The following LPIN2 variants were observed in gnomAD, a reference collection of about 807,000 sequenced individuals.
LPIN2 encodes the protein phosphatidate phosphatase LPIN2.
In LPIN2, 55 loss-of-function variants were observed where a neutral mutation model predicts 111.4. That is an observed-to-expected ratio of 0.49 (90% CI 0.40 to 0.62). The LOEUF (loss-of-function observed/expected upper bound fraction) is 0.62. LPIN2 is among the 20% of genes least tolerant of loss of function. The probability of loss-of-function intolerance (pLI) is 0.00; values close to 1 mark genes in which losing one functional copy is unlikely to be tolerated. For missense variants in LPIN2, 992 were observed against 1,112.1 expected (o/e 0.89, Z 1.54); for synonymous variants, 425 against 414.0 (o/e 1.03, Z -0.32).
chr18:2,935,711 C>T (rs1231972489), intron 7 of LPIN2, among the ~76,000 whole-genome samples: 1 of 152,114 alleles, frequency 6.6e-6, no homozygotes, highest in Non-Finnish European at 1.5e-5. Flanking sequence ...AAGGTATATC[C>T]TGGCATATCT....
rs946046520 is a variant in LPIN2 at position 2,926,790 on chromosome 18, C to T, written c.1726G>A (p.Glu576Lys). The T allele has an allele frequency of 1.2e-6, 2 of 1,613,726 alleles. No individual in the cohort carries two copies. Among genetic ancestry groups the T allele is most frequent in the African/African-American group, 1.3e-5 (1 of 74,920 alleles). ...GCTGGCGGTGCCTCAGATTTTCCCT[C>T]CTTGGATTCTGGCAGCTGTAACAGC... is the stretch of plus-strand genomic sequence containing the variant. ...SMTKQLPESK[E>K]GKSEAPPASD... is the part of the protein sequence containing the mutation. The change falls in exon 13 of 20, where the codon GAG (glutamate) becomes AAG (lysine). Residue 576 changes from glutamate to lysine, a missense_variant. Coordinates refer to ENST00000677752, the MANE Select transcript of LPIN2 (RefSeq NM_001375808.2).
chr18:2,990,147 A>C (rs945255563), intron 1 of LPIN2, among the ~76,000 whole-genome samples: 44 of 152,186 alleles, frequency 2.9e-4, no homozygotes, highest in African/African-American at 9.9e-4. Context: ...TTGGAACCCT[A>C]CTTTACACCA....
At chr18:2,926,844 T>C in intron 12 of LPIN2, 39 bp from the exon 13 acceptor site, 1 of 1,545,392 alleles carries the variant, frequency 6.5e-7, no homozygotes, top group South Asian at 1.1e-5. Flanking sequence ...TGCAATTTTT[T>C]CCCTACAGAT....
intron 8 of LPIN2, among the ~76,000 whole-genome samples, chr18:2,933,857 T>C (rs946592813): frequency 6.6e-6 from 1 of 152,142 alleles, no homozygotes; most frequent in African/African-American, 2.4e-5. Context: ...GGGTGGCAGC[T>C]GTGGAGCTGC....
At position 2,917,547 on chromosome 18, in the gene LPIN2, T is replaced by G. The variant is rs529036529; in HGVS notation, c.*2746A>C. On this transcript the variant is annotated 3_prime_UTR_variant, in exon 20 of 20. Transcript: ENST00000677752. ...CATCCAATCTCCTTTGTCCCTCGGT[T>G]GTTCTGTGACTTTGAGCAGCTTTCA... 3.3e-5 allele frequency: 5 copies of G among 152,366 alleles called. No individual in the cohort carries two copies. The highest frequency in any genetic ancestry group is 2.1e-4 in the South Asian group (1 of 4,826). 9.4% of individuals were successfully genotyped at this position (152,366 alleles called of 1,614,324 possible). A position where few individuals can be genotyped will look rare whatever the true frequency, so the allele number is the denominator to read the frequency against.
chr18:2,923,961 G>A (rs1019711305), intron 15 of LPIN2, 100 bp from the exon 16 acceptor site: 37 of 935,798 alleles, frequency 4.0e-5, no homozygotes, highest in South Asian at 6.6e-5. Context: ...AATTGGTGGC[G>A]GGACACTCTT....
rs766430362 is a variant in LPIN2 at position 2,927,791 on chromosome 18, C to T, written c.1641G>A (p.Val547=). Residue 547 remains valine (V), a synonymous_variant, in exon 12 of 20, where the codon GTG becomes GTA. Coordinates refer to ENST00000677752, the MANE Select transcript of LPIN2 (RefSeq NM_001375808.2). ...SLPKATVESW[V]KDKMPKKSGR... is the part of the protein sequence containing the mutation. ...CAGATTTCTTTGGCATCTTGTCTTT[C>T]ACCCAGGACTCAACTGTGGCCTGAA... is the stretch of plus-strand genomic sequence containing the variant. 6.2e-7 allele frequency: 1 copy of T among 1,614,194 alleles called. No homozygotes were observed. The highest frequency in any genetic ancestry group is 1.1e-5 in the South Asian group (1 of 91,082).
chr18:2,921,460 G>A lies in LPIN2; in HGVS notation c.2442+73C>T, dbSNP rs1313168705. 13 of 1,129,186 alleles carry A rather than the reference G, an allele frequency of 1.2e-5. 1 individual carries two copies. Among genetic ancestry groups the A allele is most frequent in the South Asian group, 3.7e-5 (3 of 81,278 alleles). 69.9% of individuals were successfully genotyped at this position (1,129,186 alleles called of 1,614,324 possible). On this transcript the variant is annotated intron_variant, in intron 18 of 19. Transcript: ENST00000677752. ...ACAAAACTGCTTTGAGAATTGGGAC[G>A]TGGCTACACCCCACGAAGTACATCC...
At chr18:2,974,342 T>A (rs1479221870) in intron 1 of LPIN2, among the ~76,000 whole-genome samples, 3 of 152,196 alleles carry the variant, frequency 2.0e-5, no homozygotes, top group African/African-American at 7.2e-5. Flanking sequence ...ACTCCCAAAG[T>A]GCTGGGATTA....
In LPIN2 at chr18:2,940,856, A is replaced by AG. The variant is rs1054927758; in HGVS notation, c.591-145dup. ...CTCTCTCTAAAATATATGAAGGAGA[A>AG]GGGGGGATACACCAATGCCACCCAC... On this transcript the variant is annotated intron_variant, in intron 4 of 19. Coordinates refer to ENST00000677752, the MANE Select transcript of LPIN2 (RefSeq NM_001375808.2). The AG allele has an allele frequency of 7.5e-6, 5 of 670,458 alleles. No individual in the cohort carries two copies. In the African/African-American group the frequency reaches 8.9e-5, roughly 12 times the overall value. The allele number at this position is 670,458 out of a possible 1,614,324, so 41.5% of individuals were successfully genotyped here. A position where few individuals can be genotyped will look rare whatever the true frequency, so the allele number is the denominator to read the frequency against.
Position 2,919,997 on chromosome 18 carries a change from A to G in LPIN2, c.*296T>C. Reference sequence around the variant, plus strand: ...GCTGCTTTTTTCTTCCTTTAAAATGATGCAATGGAAGGAGGCCCCAGCTCA... The same window carrying G: ...GCTGCTTTTTTCTTCCTTTAAAATGGTGCAATGGAAGGAGGCCCCAGCTCA... On this transcript the variant is annotated 3_prime_UTR_variant, in exon 20 of 20. Transcript: ENST00000677752. 1 of 498,486 alleles carries G rather than the reference A, an allele frequency of 2.0e-6. No individual in the cohort carries two copies. 30.9% of individuals were successfully genotyped at this position (498,486 alleles called of 1,614,324 possible). A position where few individuals can be genotyped will look rare whatever the true frequency, so the allele number is the denominator to read the frequency against.
chr18:2,939,536 G>T lies in LPIN2; in HGVS notation c.766C>A (p.Leu256Ile), dbSNP rs765149855. 6.6e-5 allele frequency: 107 copies of T among 1,613,950 alleles called. No homozygotes were observed. Among genetic ancestry groups the T allele is most frequent in the Non-Finnish European group, 8.9e-5 (105 of 1,179,966 alleles). The change falls in exon 6 of 20, where the codon CTC becomes ATC. Residue 256 changes from leucine (L) to isoleucine (I), a missense_variant. This residue lies in a region of LPIN2 where 709 missense variants were observed against 753.2 expected (regional missense o/e 0.94). Transcript: ENST00000677752. ...ELEVKPAESLLRSESHMEWTW... is the reference protein window; with the variant it reads ...ELEVKPAESLIRSESHMEWTW... Reference sequence around the variant, plus strand: ...CACTCCATGTGAGACTCTGATCTGAGCAGGCTCTCCGCAGGTTTCACCTCC... The same window carrying T: ...CACTCCATGTGAGACTCTGATCTGATCAGGCTCTCCGCAGGTTTCACCTCC...
rs774941875 is a variant in LPIN2, at chr18:2,925,603, A to G, written c.1794-235T>C. Among the ~76,000 whole-genome samples, 4 of 152,144 alleles carry G rather than the reference A, an allele frequency of 2.6e-5. No homozygotes were observed. The highest frequency in any genetic ancestry group is 5.9e-5 in the Non-Finnish European group (4 of 68,014). On this transcript the variant is annotated intron_variant, in intron 13 of 19. Coordinates refer to ENST00000677752, the MANE Select transcript of LPIN2 (RefSeq NM_001375808.2). This position sits in a 1 kb window ranked among gnomAD's most constrained non-coding sequence, Gnocchi z 4.1. ...ACTTACTTTCTGACTATGACCTGCT[A>G]TTTTCTGCTATGCCCAGTGAATGCT...
intron 1 of LPIN2, among the ~76,000 whole-genome samples, chr18:3,001,472 T>C (rs940973585): frequency 2.6e-5 from 4 of 152,118 alleles, no homozygotes; most frequent in Admixed American, 2.6e-4. Flanking sequence ...TATTTAGCCA[T>C]GAAAATATAA....
chr18:2,994,515 G>A (rs1394531507), intron 1 of LPIN2, among the ~76,000 whole-genome samples: 9 of 152,160 alleles, frequency 5.9e-5, no homozygotes. Context: ...TAGTTGGGGA[G>A]GACATATAAT....
intron 12 of LPIN2, 48 bp downstream of exon 12, chr18:2,927,674 G>A: frequency 6.3e-7 from 1 of 1,582,750 alleles, no homozygotes; most frequent in East Asian, 2.2e-5. Flanking sequence ...ATAAATGAAA[G>A]ATTCATTTCT....
At chr18:2,997,981 T>C (rs73936900) in intron 1 of LPIN2, among the ~76,000 whole-genome samples, 4,379 of 152,344 alleles carry the variant, frequency 0.029, 192 homozygotes, top group African/African-American at 0.099. Flanking sequence ...AGGCAGAGTT[T>C]CCAGTGCCAG....
At chr18:2,974,312 T>C (rs1403303181) in intron 1 of LPIN2, among the ~76,000 whole-genome samples, 2 of 152,182 alleles carry the variant, frequency 1.3e-5, no homozygotes, top group African/African-American at 4.8e-5. Context: ...TCTCCTGACC[T>C]CGCGATCCGC....
At chr18:2,949,560 A>T (rs2077502899) in intron 4 of LPIN2, among the ~76,000 whole-genome samples, 1 of 152,198 alleles carries the variant, frequency 6.6e-6, no homozygotes, top group African/African-American at 2.4e-5. Context: ...AGTAAGACAG[A>T]ACACCACAGA....
Sources: allele counts gnomAD v4.1 joint callset (sites outside exome capture counted in the v4.1 genomes callset), GRCh38; gene constraint gnomAD v4.1.1; regional missense constraint gnomAD v4.1.1; non-coding constraint Gnocchi (gnomAD v3.1); transcripts MANE v1.5; gene names NCBI Gene and HGNC (gene_info 2026-07-23, HGNC 2026-07-21).